The following PGM2L1 variants were observed in gnomAD, a reference collection of about 807,000 sequenced individuals.
The protein encoded by PGM2L1 is glucose 1,6-bisphosphate synthase.
PGM2L1 carries 35 observed loss-of-function variants against 73.4 expected under a neutral mutation model. The ratio of observed to expected loss-of-function variants is 0.48; its 90% CI spans 0.36 to 0.63. The LOEUF is 0.63. PGM2L1 is among the 30% of genes least tolerant of loss of function. The pLI is 0.00. For synonymous variants in PGM2L1, 225 were observed against 253.8 expected, an observed-to-expected ratio of 0.89 and a Z score of 1.08; for missense variants, 570 against 742.0, an observed-to-expected ratio of 0.77 and a Z score of 2.69.
At chr11:74,387,308 A>G (rs1415563249) in intron 1 of PGM2L1, among the ~76,000 whole-genome samples, 1 of 152,076 alleles carries the variant, frequency 6.6e-6, no homozygotes, top group Non-Finnish European at 1.5e-5. Context: ...TCTTGGATTC[A>G]AATAGTCCCC....
At position 74,351,282 on chromosome 11, in the gene PGM2L1, T is replaced by A. The variant is rs542922056; in HGVS notation, c.749+101A>T. Reference sequence around the variant, plus strand: ...TCTTATGAGTACTATTTAGCTATAATTTTAATCTAATAAATAGACAACACT... The same window carrying A: ...TCTTATGAGTACTATTTAGCTATAAATTTAATCTAATAAATAGACAACACT... On this transcript the variant is annotated intron_variant, in intron 6 of 13. Transcript: ENST00000298198. The A allele has an allele frequency of 2.3e-5, 27 of 1,167,848 alleles. No homozygotes were observed. The African/African-American group carries it at 3.9e-4, about 17-fold the overall frequency. The allele number at this position is 1,167,848 out of a possible 1,614,324, so 72.3% of individuals were successfully genotyped here.
At chr11:74,351,715 C>A (rs1283541139) in intron 5 of PGM2L1, 139 bp from the exon 6 acceptor site, 1 of 685,676 alleles carries the variant, frequency 1.5e-6, no homozygotes, top group Non-Finnish European at 2.3e-6. Context: ...GTAATCTCAG[C>A]ACTTTGGGAG....
At chr11:74,338,828 C>T (rs541781817) in intron 12 of PGM2L1, among the ~76,000 whole-genome samples, 2 of 152,088 alleles carry the variant, frequency 1.3e-5, no homozygotes, top group South Asian at 2.1e-4. Context: ...AGAGCTCTGT[C>T]GCACAACAAT....
intron 1 of PGM2L1, among the ~76,000 whole-genome samples, chr11:74,392,723 G>A (rs1266619832): frequency 6.6e-6 from 1 of 152,096 alleles, no homozygotes; most frequent in Admixed American, 6.5e-5. Context: ...TTGTATTTTA[G>A]TAGAGACGGG....
chr11:74,384,129 C>G (rs533872345), intron 1 of PGM2L1, among the ~76,000 whole-genome samples: 2 of 151,744 alleles, frequency 1.3e-5, no homozygotes, highest in Non-Finnish European at 2.9e-5. Context: ...TTTACTCCCC[C>G]ACTCCCCCCG....
chr11:74,351,153 T>A (rs898937099), intron 6 of PGM2L1, among the ~76,000 whole-genome samples: 4 of 152,260 alleles, frequency 2.6e-5, no homozygotes, highest in African/African-American at 9.6e-5. Context: ...TGTGAGTAGT[T>A]CATTTATTTT....
At position 74,347,245 on chromosome 11, in the gene PGM2L1, CCAAA is replaced by C. The variant is rs950535412; in HGVS notation, c.838_841del (p.Phe280ValfsTer37). 2 of 1,613,220 alleles carry C rather than the reference CCAAA, an allele frequency of 1.2e-6. No homozygotes were observed. The highest frequency in any genetic ancestry group is 1.7e-6 in the Non-Finnish European group (2 of 1,179,578). On this transcript the variant is annotated frameshift_variant, in exon 7 of 14. Coordinates refer to ENST00000298198, the MANE Select transcript of PGM2L1 (RefSeq NM_173582.6). LOFTEE classifies it high-confidence loss of function. Reference sequence around the variant, plus strand: ...TGGTACTGGAATTGGAGGCTTAAAACCAAACACTTTAAAAGCCAACTGCACATAG... The same window carrying C: ...TGGTACTGGAATTGGAGGCTTAAAACCACTTTAAAAGCCAACTGCACATAG...
At chr11:74,386,049 A>G (rs1386501691) in intron 1 of PGM2L1, among the ~76,000 whole-genome samples, 3 of 152,184 alleles carry the variant, frequency 2.0e-5, no homozygotes, top group Non-Finnish European at 2.9e-5. Flanking sequence ...GTGAAATACT[A>G]TGCTGTCAAT....
intron 5 of PGM2L1, among the ~76,000 whole-genome samples, chr11:74,364,606 C>T (rs1182697309): frequency 6.6e-6 from 1 of 152,142 alleles, no homozygotes. Context: ...AGTGAACTCC[C>T]ATTCACAATT....
At position 74,359,689 on chromosome 11, in the gene PGM2L1, A is replaced by G. The variant is rs141901192; in HGVS notation, c.556-8113T>C. Among the ~76,000 whole-genome samples the G allele has an allele frequency of 8.1e-4, 124 of 152,310 alleles. 1 individual carries two copies. The East Asian group carries it at 0.023, about 28-fold the overall frequency. Reference sequence around the variant, plus strand: ...AATCAGCAAGGCACAGAACACTATTATATAGTACCCTACCATTTATGGAGA... The same window carrying G: ...AATCAGCAAGGCACAGAACACTATTGTATAGTACCCTACCATTTATGGAGA... On this transcript the variant is annotated intron_variant, in intron 5 of 13. Transcript: ENST00000298198.
At chr11:74,340,041 G>C (rs1411229111) in intron 12 of PGM2L1, among the ~76,000 whole-genome samples, 2 of 152,188 alleles carry the variant, frequency 1.3e-5, no homozygotes, top group African/African-American at 4.8e-5. Context: ...CTTGAGTGCA[G>C]TGTTTTTGTC....
intron 5 of PGM2L1, among the ~76,000 whole-genome samples, chr11:74,368,118 T>A (rs1185893754): frequency 6.6e-6 from 1 of 152,174 alleles, no homozygotes; most frequent in East Asian, 1.9e-4. Context: ...CGGCAGAAAG[T>A]CAGAGAGAGA....
intron 3 of PGM2L1, 70 bp from the exon 4 acceptor site, chr11:74,371,056 T>C: frequency 8.8e-7 from 1 of 1,130,586 alleles, no homozygotes; most frequent in South Asian, 1.3e-5. Flanking sequence ...TCCACATAAA[T>C]GTTTCATATT....
intron 5 of PGM2L1, among the ~76,000 whole-genome samples, chr11:74,363,733 C>T (rs1334327219): frequency 1.3e-5 from 2 of 151,984 alleles, no homozygotes; most frequent in East Asian, 3.9e-4. Flanking sequence ...GCCTACCAAC[C>T]AAAAAAAGTC....
chr11:74,383,953 G>T (rs1325852068), intron 1 of PGM2L1, among the ~76,000 whole-genome samples: 1 of 151,118 alleles, frequency 6.6e-6, no homozygotes, highest in Non-Finnish European at 1.5e-5. Flanking sequence ...CTTTATAATA[G>T]AATGATTTAT....
chr11:74,388,335 TA>T (rs11297590), intron 1 of PGM2L1, among the ~76,000 whole-genome samples: 144,820 of 152,112 alleles, frequency 0.95, 69,389 homozygotes, highest in African/African-American at 0.98. Flanking sequence ...AAAATAAAAT[TA>T]AAAAAAATAT....
chr11:74,392,027 T>C (rs943795879), intron 1 of PGM2L1, among the ~76,000 whole-genome samples: 3 of 152,222 alleles, frequency 2.0e-5, no homozygotes. Context: ...ACATAGAGAA[T>C]AGTGAGTGAA....
chr11:74,361,827 G>A (rs916347751), intron 5 of PGM2L1, among the ~76,000 whole-genome samples: 1 of 151,994 alleles, frequency 6.6e-6, no homozygotes, highest in Non-Finnish European at 1.5e-5. Flanking sequence ...ATGAAATGAA[G>A]CAAGAAGAGA....
chr11:74,377,391 C>T (rs978625247), intron 1 of PGM2L1, among the ~76,000 whole-genome samples: 9 of 152,048 alleles, frequency 5.9e-5, no homozygotes, highest in African/African-American at 9.7e-5. Flanking sequence ...CCTTGGCCTC[C>T]CAAAGTGCTG....
Sources: allele counts gnomAD v4.1 joint callset (sites outside exome capture counted in the v4.1 genomes callset), GRCh38; gene constraint gnomAD v4.1.1; transcripts MANE v1.5; gene names NCBI Gene and HGNC (gene_info 2026-07-23, HGNC 2026-07-21).